UTP6: variants seen among roughly 807,000 people sequenced by gnomAD.
UTP6 encodes UTP6 small subunit processome component.
In UTP6, 60 loss-of-function variants were observed where a neutral mutation model predicts 96.5. That is an observed-to-expected ratio of 0.62 (90% confidence interval 0.51 to 0.77). The LOEUF is 0.77. Among genes scored for constraint, UTP6 ranks in the 30% least tolerant of loss-of-function variants. The probability of loss-of-function intolerance (pLI) is 0.00; values close to 1 mark genes in which losing one functional copy is unlikely to be tolerated. For missense variants in UTP6, 637 were observed against 706.5 expected, an observed-to-expected ratio of 0.90 and a Z score of 1.12; for synonymous variants, 215 against 240.1, an observed-to-expected ratio of 0.90 and a Z score of 0.96.
rs1415275432 is a variant in UTP6 at position 31,885,960 on chromosome 17, A to C, written c.703+20T>G. ...AATGTTTCACTTTCCTACCAAAAAT[A>C]ATGTTCAAAAGATACCTACCTTTAA... On this transcript the variant is annotated intron_variant, in intron 9 of 18. Coordinates refer to ENST00000261708, the MANE Select transcript of UTP6 (RefSeq NM_018428.3). 1 of 1,593,498 alleles carries C rather than the reference A, an allele frequency of 6.3e-7. No individual in the cohort carries two copies. Among genetic ancestry groups the C allele is most frequent in the Non-Finnish European group, 8.5e-7 (1 of 1,170,928 alleles).
intron 13 of UTP6, 134 bp downstream of exon 13, chr17:31,878,116 A>G: frequency 1.3e-6 from 1 of 787,546 alleles, no homozygotes; most frequent in Non-Finnish European, 2.1e-6. Flanking sequence ...AAACACATAT[A>G]AACACACTTC....
chr17:31,863,858 A>G (rs1909666301), intron 18 of UTP6, among the ~76,000 whole-genome samples: 1 of 151,880 alleles, frequency 6.6e-6, no homozygotes, highest in African/African-American at 2.4e-5. Flanking sequence ...ACACCACCAT[A>G]TTAGGCTAAT....
At chr17:31,883,205 G>T (rs1910944029) in intron 10 of UTP6, among the ~76,000 whole-genome samples, 1 of 150,068 alleles carries the variant, frequency 6.7e-6, no homozygotes, top group African/African-American at 2.4e-5. Flanking sequence ...ATATAATAAA[G>T]AAATAAAAAG....
chr17:31,884,242 C>T (rs1015795244), intron 10 of UTP6, among the ~76,000 whole-genome samples, 182 bp downstream of exon 10: 12 of 152,086 alleles, frequency 7.9e-5, no homozygotes, highest in Non-Finnish European at 1.8e-4. Context: ...TGGTGATCCA[C>T]CCACCTCAGT....
chr17:31,869,835 C>T (rs1334244727), intron 16 of UTP6, among the ~76,000 whole-genome samples: 1 of 152,174 alleles, frequency 6.6e-6, no homozygotes, highest in Admixed American at 6.6e-5. Flanking sequence ...TCCTACCCTC[C>T]TTCCCCCTAT....
intron 13 of UTP6, among the ~76,000 whole-genome samples, chr17:31,876,603 C>G (rs1163765812): frequency 6.6e-6 from 1 of 151,746 alleles, no homozygotes; most frequent in Non-Finnish European, 1.5e-5. Context: ...AAGATCATGC[C>G]ATTGCACTCC....
rs1320514172 is a variant in UTP6 at position 31,868,115 on chromosome 17, A to G, written c.1497-3T>C. ...AAAATGGTCGGCTCTCCTGTAAACT[A>G]AAAAGGAAGGAGAAAACGTTATCTT... On this transcript the variant is annotated splice_region_variant and splice_polypyrimidine_tract_variant and intron_variant, in intron 16 of 18. Coordinates refer to ENST00000261708, the MANE Select transcript of UTP6 (RefSeq NM_018428.3). 1.2e-6 allele frequency: 2 copies of G among 1,611,232 alleles called. No homozygotes were observed. Among genetic ancestry groups the G allele is most frequent in the Non-Finnish European group, 1.7e-6 (2 of 1,178,354 alleles).
At chr17:31,894,759 C>A (rs987618577) in intron 3 of UTP6, 22 bp from the exon 4 acceptor site, 1 of 1,583,216 alleles carries the variant, frequency 6.3e-7, no homozygotes. Context: ...CATAAAAAAA[C>A]AGAGCCTCAA....
At chr17:31,900,666 C>CTGAG (rs1904926466) in intron 1 of UTP6, among the ~76,000 whole-genome samples, 1 of 152,152 alleles carries the variant, frequency 6.6e-6, no homozygotes, top group Non-Finnish European at 1.5e-5. Context: ...CGAAATTCCT[C>CTGAG]TTATTTCTGA....
Position 31,887,300 on chromosome 17 carries a change from T to C in UTP6, c.557A>G (p.Glu186Gly). 1 of 1,614,002 alleles carries C rather than the reference T, an allele frequency of 6.2e-7. No individual in the cohort carries two copies. Among genetic ancestry groups the C allele is most frequent in the Non-Finnish European group, 8.5e-7 (1 of 1,179,950 alleles). ...PKLYKEYFRM[E>G]LMHAEKLRKE... ...CCTCAGTTTTTCAGCATGCATCAGC[T>C]CCATCCTAAAGTACTACAGAAGAGA... Residue 186 changes from glutamate to glycine, a missense_variant, in exon 8 of 19, where the codon GAG (glutamate) becomes GGG (glycine). Coordinates refer to ENST00000261708, the MANE Select transcript of UTP6 (RefSeq NM_018428.3).
Position 31,899,706 on chromosome 17 carries a change from A to T in UTP6, c.117T>A (p.Asp39Glu). The change falls in exon 2 of 19, where the codon GAT (aspartate) becomes GAA (glutamate). Residue 39 changes from aspartate (D) to glutamate (E), a missense_variant. Asp to Glu is a conservative substitution (Grantham distance 45). Coordinates refer to ENST00000261708, the MANE Select transcript of UTP6 (RefSeq NM_018428.3). ...TTCTTCTCTGGATTTTGTACTCTAG[A>T]TCGGAAGCCTTCTTAATGATAGCCC... ...EIKAIIKKASDLEYKIQRRTL... is the reference protein window; with the variant it reads ...EIKAIIKKASELEYKIQRRTL... The T allele has an allele frequency of 1.2e-6, 2 of 1,601,154 alleles. No individual in the cohort carries two copies. Among genetic ancestry groups the T allele is most frequent in the Non-Finnish European group, 8.5e-7 (1 of 1,173,556 alleles).
intron 1 of UTP6, among the ~76,000 whole-genome samples, chr17:31,901,083 T>C (rs1243864897): frequency 1.3e-5 from 2 of 152,162 alleles, no homozygotes; most frequent in Non-Finnish European, 2.9e-5. Context: ...CATATGAAAC[T>C]GATTTCAATG....
intron 13 of UTP6, among the ~76,000 whole-genome samples, chr17:31,876,364 G>A (rs1306422393): frequency 6.9e-6 from 1 of 144,646 alleles, no homozygotes; most frequent in Non-Finnish European, 1.5e-5. Context: ...ACAGTTCACA[G>A]CCAGGCATGG....
Position 31,901,532 on chromosome 17 carries a change from T to G in UTP6, c.92+4A>C. 4 of 1,613,648 alleles carry G rather than the reference T, an allele frequency of 2.5e-6. No homozygotes were observed. Among genetic ancestry groups the G allele is most frequent in the Non-Finnish European group, 3.4e-6 (4 of 1,179,876 alleles). ...GCTCTTCCCTCTCCCCAACCCTCTC[T>G]CACTTAATCTCCGCATGACTGAACA... On this transcript the variant is annotated splice_donor_region_variant and intron_variant, in intron 1 of 18. Transcript: ENST00000261708.
intron 11 of UTP6, among the ~76,000 whole-genome samples, chr17:31,879,680 AC>A (rs773007947): frequency 1.3e-5 from 2 of 152,048 alleles, no homozygotes; most frequent in Non-Finnish European, 2.9e-5. Flanking sequence ...TCAAAAAAAA[AC>A]ATAGATAATT....
chr17:31,897,988 TCTC>T (rs1172331077), intron 2 of UTP6, among the ~76,000 whole-genome samples: 1 of 151,886 alleles, frequency 6.6e-6, no homozygotes, highest in African/African-American at 2.4e-5. Flanking sequence ...TCACATTCAC[TCTC>T]CTCTATCTTG....
At chr17:31,892,878 C>T in intron 4 of UTP6, 84 bp from the exon 5 acceptor site, 1 of 1,551,178 alleles carries the variant, frequency 6.4e-7, no homozygotes, top group Non-Finnish European at 8.8e-7. Context: ...TTGCTAAAAA[C>T]AAGCAAATTT....
intron 14 of UTP6, chr17:31,874,151 C>T (rs113125832): frequency 3.6e-5 from 7 of 194,108 alleles, no homozygotes; most frequent in Middle Eastern, 2.2e-3. Context: ...AGACCCACAG[C>T]TACCCAGGTC....
intron 10 of UTP6, among the ~76,000 whole-genome samples, chr17:31,883,605 G>A (rs200763674): frequency 2.0e-5 from 3 of 151,642 alleles, no homozygotes; most frequent in East Asian, 1.9e-4. Flanking sequence ...TTAAGCCACC[G>A]TGCCTGGCTA....
Sources: gnomAD v4.1 joint callset for allele counts (sites outside exome capture counted in the v4.1 genomes callset) on GRCh38, gnomAD v4.1.1 for gene constraint, MANE v1.5 for transcripts, NCBI Gene and HGNC (gene_info 2026-07-23, HGNC 2026-07-21) for gene names.